The following DST variants were observed in gnomAD, a reference collection of about 807,000 sequenced individuals.
DST encodes the protein dystonin, also known as bullous pemphigoid antigen.
A neutral mutation model predicts 875.2 loss-of-function variants in DST; 253 were observed. The observed-to-expected ratio is 0.29, with a 90% confidence interval of 0.26 to 0.32. The LOEUF is 0.32. DST is among the 10% of genes least tolerant of loss of function. The pLI, the probability that DST is intolerant of heterozygous loss-of-function variation, is 1.00. For missense variants in DST, 8,287 were observed against 9,111.6 expected (o/e 0.91, Z 3.68); for synonymous variants, 3,124 against 3,197.1 (o/e 0.98, Z 0.77).
At position 56,919,521 on chromosome 6, in the gene DST, A is replaced by G. The variant is rs144677967; in HGVS notation, c.217-18900T>C. Among the ~76,000 whole-genome samples, 7 of 152,324 alleles carry G rather than the reference A, an allele frequency of 4.6e-5. No individual in the cohort carries two copies. In the East Asian group the frequency reaches 7.7e-4, roughly 17 times the overall value. On this transcript the variant is annotated intron_variant, in intron 2 of 103. Coordinates refer to ENST00000680361, the MANE Select transcript of DST (RefSeq NM_001374736.1). ...AATATGTTAACTTTTTATTACAGAAAATTCCAAAATATAAAAAGATTTTAA... is the reference window on the plus strand; with the variant it reads ...AATATGTTAACTTTTTATTACAGAAGATTCCAAAATATAAAAAGATTTTAA...
At chr6:56,614,591 C>T in intron 36 of DST, 107 bp from the exon 37 acceptor site, 1 of 1,345,714 alleles carries the variant, frequency 7.4e-7, no homozygotes, top group East Asian at 2.8e-5. Flanking sequence ...TTTCATCACA[C>T]ACAGGTTACT....
chr6:56,699,266 G>A (rs918251920), intron 9 of DST, among the ~76,000 whole-genome samples: 16 of 152,030 alleles, frequency 1.1e-4, no homozygotes, highest in Non-Finnish European at 2.1e-4. Flanking sequence ...ATCAAAGGAG[G>A]AAATAGTTGA....
intron 4 of DST, among the ~76,000 whole-genome samples, chr6:56,820,373 T>C (rs2099771712): frequency 6.6e-6 from 1 of 152,214 alleles, no homozygotes; most frequent in South Asian, 2.1e-4. Context: ...ATTTTCACAA[T>C]TGTGTTAGCC....
At chr6:56,487,644 G>A (rs946242253) in intron 86 of DST, among the ~76,000 whole-genome samples, 1 of 152,186 alleles carries the variant, frequency 6.6e-6, no homozygotes, top group African/African-American at 2.4e-5. Context: ...AAGTTGAGGA[G>A]CATCTGTATA....
In DST at chr6:56,494,236, C is replaced by A. The variant is rs11759493; in HGVS notation, c.20224-56G>T. On this transcript the variant is annotated intron_variant, in intron 82 of 103. Coordinates refer to ENST00000680361, the MANE Select transcript of DST (RefSeq NM_001374736.1). ...TTTAAGAAAGTAAAATTTAAGAGTT[C>A]TATTTTTCTAGGTCATCAGTCCCAA... 0.26 allele frequency: 388,133 copies of A among 1,494,678 alleles called. 52,777 individuals carry two copies. Among genetic ancestry groups the A allele is most frequent in the Middle Eastern group, 0.38 (2,153 of 5,636 alleles). 92.6% of individuals were successfully genotyped at this position (1,494,678 alleles called of 1,614,324 possible). A position where few individuals can be genotyped will look rare whatever the true frequency, so the allele number is the denominator to read the frequency against.
rs760961361 is a variant in DST, at chr6:56,635,704, T to A, written c.3071A>T (p.Asp1024Val). 23 of 1,613,668 alleles carry A rather than the reference T, an allele frequency of 1.4e-5. No individual in the cohort carries two copies. Among genetic ancestry groups the A allele is most frequent in the Non-Finnish European group, 1.7e-6 (2 of 1,179,900 alleles). ...ENTAYFEFFNDAKEATDYLRN... is the reference protein window; with the variant it reads ...ENTAYFEFFNVAKEATDYLRN... ...TAAGTAATCAGTAGCTTCTTTGGCA[T>A]CATTGAAAAACTAAGGAAAGATGAA... The change falls in exon 24 of 104, where the codon GAT becomes GTT. Residue 1024 changes from aspartate (D) to valine (V), a missense_variant. Around this residue, in one of 10 missense-constraint regions of DST, gnomAD observed 1,160 missense variants for 1,424.3 expected, o/e 0.81. Transcript: ENST00000680361.
intron 5 of DST, among the ~76,000 whole-genome samples, chr6:56,724,182 A>T (rs2099434815): frequency 6.6e-6 from 1 of 152,234 alleles, no homozygotes; most frequent in African/African-American, 2.4e-5. Context: ...ACATAAAATT[A>T]AAGTTAGATG....
rs936150779 is a variant in DST at position 56,866,762 on chromosome 6, A to T, written c.418-15158T>A. On this transcript the variant is annotated intron_variant, in intron 3 of 103. Transcript: ENST00000680361. ...AGAAAGTAAGCCCTTTGTTTCATTC[A>T]TGCTGTGTCCCCAGTTCCTAGCATG... Among the ~76,000 whole-genome samples, 4 of 152,102 alleles carry T rather than the reference A, an allele frequency of 2.6e-5. No individual in the cohort carries two copies. The East Asian group carries it at 7.7e-4, about 29-fold the overall frequency.
At chr6:56,754,025 T>C (rs1354686259) in intron 4 of DST, among the ~76,000 whole-genome samples, 1 of 152,208 alleles carries the variant, frequency 6.6e-6, no homozygotes, top group East Asian at 1.9e-4. Flanking sequence ...GCTTTTTGTT[T>C]ACATGAGCCA....
chr6:56,748,282 G>A (rs546430444), intron 4 of DST, among the ~76,000 whole-genome samples: 64 of 152,230 alleles, frequency 4.2e-4, no homozygotes, highest in Non-Finnish European at 8.2e-4. Flanking sequence ...GGCTTTGGTA[G>A]GCAGCTATGG....
chr6:56,938,118 A>C (rs867342641), intron 2 of DST, among the ~76,000 whole-genome samples: 5,139 of 141,618 alleles, frequency 0.036, 108 homozygotes, highest in East Asian at 0.049. Flanking sequence ...CTATATATAT[A>C]TATATATATA....
intron 36 of DST, chr6:56,615,194 G>C (rs754155215): frequency 1.6e-5 from 19 of 1,155,042 alleles, no homozygotes; most frequent in Non-Finnish European, 1.8e-5. Context: ...CAATGAAGGG[G>C]AGTTCTGAAG....
At chr6:56,761,007 CTG>C (rs569471438) in intron 4 of DST, among the ~76,000 whole-genome samples, 132 of 152,364 alleles carry the variant, frequency 8.7e-4, no homozygotes, top group African/African-American at 3.0e-3. Flanking sequence ...ACTAAAGTAA[CTG>C]TGTTAGAGTT....
chr6:56,492,164 A>G (rs915917943), intron 85 of DST, 63 bp downstream of exon 85: 28 of 1,368,360 alleles, frequency 2.0e-5, no homozygotes, highest in Middle Eastern at 1.8e-4. Context: ...TCCATAACAT[A>G]TATTTCAACA....
chr6:56,640,610 A>G lies in DST; in HGVS notation c.2028-5T>C, dbSNP rs1369312917. ...TCGTCACGCAGTTTTGCAACCCTGA[A>G]AAGAAAATCCAAAGGGATAAGGTGA... On this transcript the variant is annotated splice_region_variant and splice_polypyrimidine_tract_variant and intron_variant, in intron 17 of 103. Transcript: ENST00000680361. The G allele has an allele frequency of 6.2e-7, 1 of 1,611,818 alleles. No individual in the cohort carries two copies. The highest frequency in any genetic ancestry group is 8.5e-7 in the Non-Finnish European group (1 of 1,178,128).
chr6:56,747,092 A>G (rs979011104), intron 4 of DST, among the ~76,000 whole-genome samples: 2 of 152,226 alleles, frequency 1.3e-5, no homozygotes, highest in African/African-American at 2.4e-5. Flanking sequence ...TCAGTTACTG[A>G]GAATATAGTC....
intron 4 of DST, among the ~76,000 whole-genome samples, chr6:56,782,776 T>G (rs1470594241): frequency 3.9e-5 from 6 of 152,340 alleles, no homozygotes; most frequent in Non-Finnish European, 8.8e-5. Flanking sequence ...CTTTTGAATG[T>G]GTTTGCTCTT....
chr6:56,639,216 C>A (rs150420548), intron 22 of DST, 43 bp downstream of exon 22: 6 of 1,459,986 alleles, frequency 4.1e-6, no homozygotes, highest in African/African-American at 2.8e-5. Flanking sequence ...GGGAAATAAT[C>A]ATATCAATAT....
chr6:56,625,084 A>C, intron 35 of DST, 73 bp downstream of exon 35: 1 of 1,109,978 alleles, frequency 9.0e-7, no homozygotes, highest in Admixed American at 1.7e-5. Context: ...TTACCACAAC[A>C]AAAAATAAAA....
Sources: allele counts gnomAD v4.1 joint callset (sites outside exome capture counted in the v4.1 genomes callset), GRCh38; gene constraint gnomAD v4.1.1; regional missense constraint gnomAD v4.1.1; transcripts MANE v1.5; gene names NCBI Gene and HGNC (gene_info 2026-07-23, HGNC 2026-07-21).